Variants in PRDM15 observed in about 807,000 individuals in gnomAD.
PRDM15 encodes the protein PR/SET domain 15.
A neutral mutation model predicts 128.6 loss-of-function variants in PRDM15; 64 were observed. That is an observed-to-expected ratio of 0.50 (90% CI 0.41 to 0.61). PRDM15 has a LOEUF of 0.61. Ranked by LOEUF, PRDM15 falls within the 20% of genes least tolerant of loss-of-function variation. The probability of loss-of-function intolerance (pLI) is 0.00; values close to 1 mark genes in which losing one functional copy is unlikely to be tolerated. For synonymous variants in PRDM15, 615 were observed against 621.8 expected (o/e 0.99, Z 0.16); for missense variants, 1,242 against 1,569.1 (o/e 0.79, Z 3.52).
At chr21:41,847,369 T>C (rs377105532) in intron 5 of PRDM15, among the ~76,000 whole-genome samples, 178 bp from the exon 6 acceptor site, 10 of 152,252 alleles carry the variant, frequency 6.6e-5, no homozygotes, top group East Asian at 5.8e-4. Flanking sequence ...TTTACACACA[T>C]GGCTGATACG....
At chr21:41,855,671 C>G (rs921161791) in intron 4 of PRDM15, among the ~76,000 whole-genome samples, 1 of 152,192 alleles carries the variant, frequency 6.6e-6, no homozygotes, top group African/African-American at 2.4e-5. Flanking sequence ...CTGAGAACAA[C>G]CCAGTACCAG....
intron 12 of PRDM15, among the ~76,000 whole-genome samples, chr21:41,827,165 CCCTAAGTATACCA>C (rs1452205604): frequency 6.6e-6 from 1 of 152,134 alleles, no homozygotes; most frequent in African/African-American, 2.4e-5. Context: ...ATTCGAGAGG[CCCTAAGTATACCA>C]CCCAAGGAAC....
intron 14 of PRDM15, among the ~76,000 whole-genome samples, chr21:41,822,275 A>G (rs984342594): frequency 6.6e-6 from 1 of 152,166 alleles, no homozygotes; most frequent in Non-Finnish European, 1.5e-5. Flanking sequence ...TTCCTCTCAC[A>G]TGCGCCCAGC....
Position 41,837,977 on chromosome 21 carries a change from C to G in PRDM15, c.958G>C (p.Gly320Arg), listed in dbSNP as rs1197549764. The G allele has an allele frequency of 6.2e-7, 1 of 1,614,198 alleles. No homozygotes were observed. Among genetic ancestry groups the G allele is most frequent in the Admixed American group, 1.7e-5 (1 of 60,028 alleles). ...TCAGTGGTGGTGGTGGCCAGCTTCC[C>G]CAGAACCAGCTCCATGATCCGCTCA... is the stretch of plus-strand genomic sequence containing the variant. ...PDERIMELVL[G>R]KLATTTTDTS... Residue 320 changes from glycine to arginine, a missense_variant, in exon 8 of 24, where the codon GGG becomes CGG. Gly to Arg is a moderately radical substitution (Grantham distance 125). This residue lies in a region of PRDM15 where 612 missense variants were observed against 717.0 expected (regional missense o/e 0.85). Coordinates refer to ENST00000398548, the MANE Select transcript of PRDM15 (RefSeq NM_001040424.3).
chr21:41,811,386 A>G lies in PRDM15; in HGVS notation c.2393-550T>C, dbSNP rs1180729114. 1 of 154,176 alleles carries G rather than the reference A, an allele frequency of 6.5e-6. No individual in the cohort carries two copies. The highest frequency in any genetic ancestry group is 1.4e-5 in the Non-Finnish European group (1 of 69,312). 9.6% of individuals were successfully genotyped at this position (154,176 alleles called of 1,614,324 possible). A position where few individuals can be genotyped will look rare whatever the true frequency, so the allele number is the denominator to read the frequency against. ...GGTGGCTCATGCCTGTGATCCCAGC[A>G]CTTTGGGAGGCCGAAGGAAGATCGC... is the stretch of plus-strand genomic sequence containing the variant. On this transcript the variant is annotated intron_variant, in intron 19 of 23. Coordinates refer to ENST00000398548, the MANE Select transcript of PRDM15 (RefSeq NM_001040424.3). The surrounding 1 kb of genome is among the most constrained non-coding windows in gnomAD (Gnocchi z 4.1).
rs77352950 is a variant in PRDM15 at position 41,820,523 on chromosome 21, G to A, written c.2061-349C>T. ...GACACGCACAGTGGAACGGCCCTATGAGGACACAGGGAGAAGACGGCATTT... is the reference window on the plus strand; with the variant it reads ...GACACGCACAGTGGAACGGCCCTATAAGGACACAGGGAGAAGACGGCATTT... On this transcript the variant is annotated intron_variant, in intron 16 of 23. Coordinates refer to ENST00000398548, the MANE Select transcript of PRDM15 (RefSeq NM_001040424.3). 8.6e-3 allele frequency among the ~76,000 whole-genome samples: 1,315 copies of A among 152,314 alleles called. 27 individuals are homozygous for A. Among genetic ancestry groups the A allele is most frequent in the African/African-American group, 0.03 (1,257 of 41,578 alleles).
Position 41,859,553 on chromosome 21 carries a change from G to T in PRDM15, c.131+39C>A. 1 of 1,533,922 alleles carries T rather than the reference G, an allele frequency of 6.5e-7. No individual in the cohort carries two copies. Among genetic ancestry groups the T allele is most frequent in the South Asian group, 1.1e-5 (1 of 88,832 alleles). On this transcript the variant is annotated intron_variant, in intron 3 of 23. Coordinates refer to ENST00000398548, the MANE Select transcript of PRDM15 (RefSeq NM_001040424.3). This position sits in a 1 kb window ranked among gnomAD's most constrained non-coding sequence, Gnocchi z 5.3. ...AGGCCACTAGGCTCCTGCCGCAGCTGGCATATGGAAGGCCCGGGAGCTCAC... is the reference window on the plus strand; with the variant it reads ...AGGCCACTAGGCTCCTGCCGCAGCTTGCATATGGAAGGCCCGGGAGCTCAC...
At position 41,854,089 on chromosome 21, in the gene PRDM15, A is replaced by G. The variant is rs1192840810; in HGVS notation, c.538+477T>C. The stretch of plus-strand genomic sequence containing the variant: ...CAGTGGTCCCATGAGATTCTAATAC[A>G]GTATTTTTCCTCTATTACTTTGTCT... On this transcript the variant is annotated intron_variant, in intron 5 of 23. Coordinates refer to ENST00000398548, the MANE Select transcript of PRDM15 (RefSeq NM_001040424.3). This position sits in a 1 kb window ranked among gnomAD's most constrained non-coding sequence, Gnocchi z 4.6. Among the ~76,000 whole-genome samples, 1 of 152,204 alleles carries G rather than the reference A, an allele frequency of 6.6e-6. No individual in the cohort carries two copies. Among genetic ancestry groups the G allele is most frequent in the Non-Finnish European group, 1.5e-5 (1 of 68,038 alleles).
chr21:41,815,686 G>T lies in PRDM15; in HGVS notation c.2392+19C>A. On this transcript the variant is annotated intron_variant, in intron 19 of 23. Transcript: ENST00000398548. ...CACAGTGAGCGCCGTGGCTGGCGCG[G>T]CCCGGGCCTCGGACTCACCCGTGTG... The T allele has an allele frequency of 6.2e-7, 1 of 1,611,066 alleles. No individual in the cohort carries two copies.
At chr21:41,827,268 C>T (rs2062503810) in intron 12 of PRDM15, among the ~76,000 whole-genome samples, 1 of 152,202 alleles carries the variant, frequency 6.6e-6, no homozygotes, top group Non-Finnish European at 1.5e-5. Flanking sequence ...CTAAAAGGTA[C>T]ACAGGATGCA....
intron 11 of PRDM15, among the ~76,000 whole-genome samples, chr21:41,833,039 G>A (rs896017573): frequency 2.0e-5 from 3 of 152,216 alleles, no homozygotes; most frequent in Non-Finnish European, 2.9e-5. Flanking sequence ...ATGAGCCACT[G>A]AGAACAGCTG....
Position 41,810,205 on chromosome 21 carries a change from C to T in PRDM15, c.2601G>A (p.Lys867=). The T allele has an allele frequency of 6.2e-7, 1 of 1,612,836 alleles. No individual in the cohort carries two copies. The highest frequency in any genetic ancestry group is 1.3e-5 in the African/African-American group (1 of 75,060). The change falls in exon 21 of 24, where the codon AAG becomes AAA. Residue 867 remains lysine (K), a synonymous_variant. Coordinates refer to ENST00000398548, the MANE Select transcript of PRDM15 (RefSeq NM_001040424.3). The surrounding 1 kb of genome is among the most constrained non-coding windows in gnomAD (Gnocchi z 6.4). ...GGCTCATGGAGGCCCTGGTGGACAC[C>T]TTGGTCCCGCACAGCTGGCAGCTCT... The part of the protein sequence containing the change: ...EAQSCQLCGT[K]VSTRASMSRH...
At chr21:41,806,442 TCACCAC>T (rs1320731514) in intron 21 of PRDM15, among the ~76,000 whole-genome samples, 219 of 8,722 alleles carry the variant, frequency 0.025, no homozygotes, top group African/African-American at 0.074. Flanking sequence ...ACCACCACCA[TCACCAC>T]CACCCATCAC....
rs1238809188 is a variant in PRDM15 at position 41,837,941 on chromosome 21, C to T, written c.994G>A (p.Val332Ile). Reference sequence around the variant, plus strand: ...GTGCCAGGCAGGACTTACTTTGGAACCGAGCTGGTGTCAGTGGTGGTGGTG... The same window carrying T: ...GTGCCAGGCAGGACTTACTTTGGAATCGAGCTGGTGTCAGTGGTGGTGGTG... ...LATTTTDTSS[V>I]PKFTHHQNNT... The change falls in exon 8 of 24, where the codon GTT (valine) becomes ATT (isoleucine). Residue 332 changes from valine to isoleucine, a missense_variant. Physicochemically the swap from Val to Ile is conservative, Grantham distance 29 (BLOSUM62 3). Coordinates refer to ENST00000398548, the MANE Select transcript of PRDM15 (RefSeq NM_001040424.3). 6.2e-7 allele frequency: 1 copy of T among 1,614,096 alleles called. No individual in the cohort carries two copies. Among genetic ancestry groups the T allele is most frequent in the Non-Finnish European group, 8.5e-7 (1 of 1,180,036 alleles).
rs1473845216 is a variant in PRDM15, at chr21:41,854,305, A to G, written c.538+261T>C. Among the ~76,000 whole-genome samples, 1 of 152,078 alleles carries G rather than the reference A, an allele frequency of 6.6e-6. No individual in the cohort carries two copies. Among genetic ancestry groups the G allele is most frequent in the Admixed American group, 6.5e-5 (1 of 15,270 alleles). On this transcript the variant is annotated intron_variant, in intron 5 of 23. Transcript: ENST00000398548. The surrounding 1 kb of genome is among the most constrained non-coding windows in gnomAD (Gnocchi z 4.6). ...TGACAATGCCATCGCCCCAGGACAC[A>G]TTTCTGAGAATGTATCTCTGTTGTT...
Position 41,821,755 on chromosome 21 carries a change from T to A in PRDM15, c.1896+148A>T, listed in dbSNP as rs62216236. 0.074 allele frequency: 68,695 copies of A among 925,358 alleles called. 2,866 individuals carry two copies. Among genetic ancestry groups the A allele is most frequent in the African/African-American group, 0.083 (5,081 of 61,046 alleles). 57.3% of individuals were successfully genotyped at this position (925,358 alleles called of 1,614,324 possible). A position where few individuals can be genotyped will look rare whatever the true frequency, so the allele number is the denominator to read the frequency against. ...GCACAAGTGATGGACAGGCACCCAG[T>A]CTGCAGTAGGACCACTGGCCGGAGC... On this transcript the variant is annotated intron_variant, in intron 15 of 23. Transcript: ENST00000398548. This position sits in a 1 kb window ranked among gnomAD's most constrained non-coding sequence, Gnocchi z 5.4.
chr21:41,805,270 A>G (rs1018534011), intron 21 of PRDM15, among the ~76,000 whole-genome samples: 1 of 152,226 alleles, frequency 6.6e-6, no homozygotes, highest in Non-Finnish European at 1.5e-5. Context: ...TAATTAGATC[A>G]TAAGAAAGAC....
At chr21:41,867,874 TG>T (rs1305566712) in intron 1 of PRDM15, among the ~76,000 whole-genome samples, 1 of 151,968 alleles carries the variant, frequency 6.6e-6, no homozygotes, top group Non-Finnish European at 1.5e-5. Context: ...CTGGCCAACA[TG>T]GCAAAACCCC....
In PRDM15 at chr21:41,810,897, G is replaced by T; in HGVS notation, c.2393-61C>A. On this transcript the variant is annotated intron_variant, in intron 19 of 23. Coordinates refer to ENST00000398548, the MANE Select transcript of PRDM15 (RefSeq NM_001040424.3). This position sits in a 1 kb window ranked among gnomAD's most constrained non-coding sequence, Gnocchi z 6.4. ...ATGAGTGTTGTAAGTCCACATCAGG[G>T]CATGTCTTCTCCCTGACACGTTCCA... 1 of 1,488,112 alleles carries T rather than the reference G, an allele frequency of 6.7e-7. No homozygotes were observed. Among genetic ancestry groups the T allele is most frequent in the East Asian group, 2.3e-5 (1 of 44,226 alleles). The allele number at this position is 1,488,112 out of a possible 1,614,324, so 92.2% of individuals were successfully genotyped here.
Sources: gnomAD v4.1 joint callset for allele counts (sites outside exome capture counted in the v4.1 genomes callset) on GRCh38, gnomAD v4.1.1 for gene constraint, gnomAD v4.1.1 regional missense constraint, Gnocchi (gnomAD v3.1) non-coding constraint, MANE v1.5 for transcripts, NCBI Gene and HGNC (gene_info 2026-07-23, HGNC 2026-07-21) for gene names.